Variants in PCDHA5 observed in about 807,000 individuals in gnomAD.
PCDHA5 encodes protocadherin alpha-5.
Under a neutral mutation model 61.6 loss-of-function variants are expected in PCDHA5, and 43 were observed. The observed-to-expected ratio is 0.70, with a 90% confidence interval of 0.55 to 0.90. The LOEUF is 0.90. Among genes scored for constraint, PCDHA5 ranks in the 40% least tolerant of loss-of-function variants. The probability of loss-of-function intolerance (pLI) is 0.00; values close to 1 mark genes in which losing one functional copy is unlikely to be tolerated. For missense variants in PCDHA5, 1,298 were observed against 1,222.7 expected (o/e 1.06, Z -0.92); for synonymous variants, 627 against 543.9 (o/e 1.15, Z -2.13).
chr5:140,882,637 G>A (rs540228460), intron 1 of PCDHA5: 1 of 1,614,234 alleles, frequency 6.2e-7, no homozygotes, highest in African/African-American at 1.3e-5. Flanking sequence ...AGGTGAAGGT[G>A]AGGGACATTA....
intron 1 of PCDHA5, among the ~76,000 whole-genome samples, chr5:140,902,200 TTTC>T (rs1318376699): frequency 6.9e-6 from 1 of 144,634 alleles, no homozygotes; most frequent in African/African-American, 2.7e-5. Flanking sequence ...TCTCTCTCTC[TTTC>T]TTTTTTTTTT....
At chr5:140,956,930 A>G (rs2153711573) in intron 1 of PCDHA5, among the ~76,000 whole-genome samples, 1 of 151,954 alleles carries the variant, frequency 6.6e-6, no homozygotes, top group East Asian at 1.9e-4. Flanking sequence ...TGCTGGATAT[A>G]GGATAAAATT....
At chr5:140,870,654 C>A in intron 1 of PCDHA5, 2 of 1,612,562 alleles carry the variant, frequency 1.2e-6, no homozygotes, top group Non-Finnish European at 1.7e-6. Flanking sequence ...GCAAGGTGTA[C>A]GCGCTGCAGC....
chr5:140,833,293 A>G (rs1772396864), intron 1 of PCDHA5, among the ~76,000 whole-genome samples: 2 of 152,200 alleles, frequency 1.3e-5, no homozygotes, highest in Non-Finnish European at 2.9e-5. Context: ...AAGCATCTGA[A>G]TACAGACATA....
intron 1 of PCDHA5, among the ~76,000 whole-genome samples, chr5:140,921,749 A>G (rs1366376226): frequency 6.6e-6 from 1 of 152,196 alleles, no homozygotes; most frequent in Non-Finnish European, 1.5e-5. Context: ...GCATAACAGG[A>G]CACTTCTTGG....
chr5:140,928,570 C>T (rs2085340367), intron 1 of PCDHA5: 1 of 1,614,196 alleles, frequency 6.2e-7, no homozygotes, highest in African/African-American at 1.3e-5. Context: ...GTTTCCCTTG[C>T]CCAGAAATGG....
chr5:140,906,258 C>T (rs1162219070), intron 1 of PCDHA5, among the ~76,000 whole-genome samples: 4 of 152,180 alleles, frequency 2.6e-5, no homozygotes, highest in African/African-American at 9.7e-5. Flanking sequence ...TACACACCTC[C>T]TGAAATTATA....
intron 1 of PCDHA5, chr5:140,834,468 G>T (rs1350848206): frequency 2.5e-6 from 4 of 1,614,146 alleles, no homozygotes; most frequent in Non-Finnish European, 2.5e-6. Flanking sequence ...GGCAGGGAGA[G>T]GCCAGCTCCA....
At chr5:140,899,158 T>G (rs1285542285) in intron 1 of PCDHA5, among the ~76,000 whole-genome samples, 1 of 152,188 alleles carries the variant, frequency 6.6e-6, no homozygotes, top group African/African-American at 2.4e-5. Context: ...TGACTTCCTC[T>G]TTTCCTAATT....
chr5:141,001,359 T>C (rs186629026), intron 3 of PCDHA5, among the ~76,000 whole-genome samples: 4 of 152,344 alleles, frequency 2.6e-5, no homozygotes, highest in Admixed American at 1.3e-4. Context: ...GGTTTAAGCC[T>C]ACTATTCTGA....
At chr5:140,831,200 C>T (rs1157028423) in intron 1 of PCDHA5, 2 of 152,180 alleles carry the variant, frequency 1.3e-5, no homozygotes, top group African/African-American at 4.8e-5. Context: ...ACCTTGTGAT[C>T]AAGTAAATTT....
intron 3 of PCDHA5, among the ~76,000 whole-genome samples, chr5:141,001,096 A>T (rs919555319): frequency 1.3e-5 from 2 of 152,130 alleles, no homozygotes; most frequent in Admixed American, 1.3e-4. Flanking sequence ...AAACTGTCTA[A>T]TCCATAATAA....
At chr5:140,898,211 A>G (rs1554187859) in intron 1 of PCDHA5, among the ~76,000 whole-genome samples, 2 of 152,100 alleles carry the variant, frequency 1.3e-5, no homozygotes, top group African/African-American at 4.8e-5. Context: ...CCATTTGTCA[A>G]TTTTGGCTTT....
rs185908462 is a variant in PCDHA5 at position 140,840,862 on chromosome 5, T to C, written c.2352+16735T>C. Among the ~76,000 whole-genome samples, 246 of 152,114 alleles carry C rather than the reference T, an allele frequency of 1.6e-3. 2 individuals carry two copies. The highest frequency in any genetic ancestry group is 5.6e-3 in the African/African-American group (234 of 41,462). ...AATGCATTTCTTCCACACGAAACTA[T>C]GGAGGACAGTTTACATTTCTGATAT... On this transcript the variant is annotated intron_variant, in intron 1 of 3. Transcript: ENST00000529859.
chr5:140,828,220 C>T (rs1181528476), intron 1 of PCDHA5: 3 of 1,613,934 alleles, frequency 1.9e-6, no homozygotes, highest in Non-Finnish European at 1.7e-6. Flanking sequence ...AACACGGCAC[C>T]TTCGTGGGCC....
chr5:140,890,828 A>G (rs1554184556), intron 1 of PCDHA5, among the ~76,000 whole-genome samples: 1 of 152,180 alleles, frequency 6.6e-6, no homozygotes, highest in Non-Finnish European at 1.5e-5. Flanking sequence ...ATGTACTTAC[A>G]TATTTACCAG....
At chr5:140,883,920 T>C in intron 1 of PCDHA5, 1 of 1,613,492 alleles carries the variant, frequency 6.2e-7, no homozygotes, top group Non-Finnish European at 8.5e-7. Flanking sequence ...AACGTGACGC[T>C]GCAGGTGTTC....
chr5:140,938,026 A>T (rs2091889452), intron 1 of PCDHA5, among the ~76,000 whole-genome samples: 1 of 152,144 alleles, frequency 6.6e-6, no homozygotes, highest in Non-Finnish European at 1.5e-5. Context: ...GTAAAATCTC[A>T]TATTTTTATA....
intron 1 of PCDHA5, among the ~76,000 whole-genome samples, chr5:140,939,697 A>G (rs1327140175): frequency 6.6e-6 from 1 of 152,232 alleles, no homozygotes; most frequent in African/African-American, 2.4e-5. Context: ...GCTGGACATT[A>G]TCATTTGTGA....
Sources: gnomAD v4.1 joint callset for allele counts (sites outside exome capture counted in the v4.1 genomes callset) on GRCh38, gnomAD v4.1.1 for gene constraint, MANE v1.5 for transcripts, NCBI Gene and HGNC (gene_info 2026-07-23, HGNC 2026-07-21) for gene names.